Variants in RANBP2 observed in about 807,000 individuals in gnomAD.
RANBP2 encodes E3 SUMO-protein ligase RanBP2.
Under a neutral mutation model 303.6 loss-of-function variants are expected in RANBP2, and 57 were observed. That is an observed-to-expected ratio of 0.19 (90% confidence interval 0.15 to 0.23). The LOEUF (loss-of-function observed/expected upper bound fraction) is 0.23. Among genes scored for constraint, RANBP2 ranks in the 10% least tolerant of loss-of-function variants. The pLI is 1.00. For synonymous variants in RANBP2, 1,167 were observed against 1,301.5 expected (o/e 0.90, Z 2.23); for missense variants, 3,138 against 3,780.8 (o/e 0.83, Z 4.46).
intron 4 of RANBP2, among the ~76,000 whole-genome samples, chr2:108,734,809 G>A (rs1331100052): frequency 6.6e-6 from 1 of 152,044 alleles, no homozygotes; most frequent in Non-Finnish European, 1.5e-5. Context: ...TGAGGTTCGA[G>A]TGGAGGATAA....
chr2:109,639,304 T>C, the RANBP2 span, among the ~76,000 whole-genome samples: 2 of 152,316 alleles, frequency 1.3e-5, no homozygotes, highest in African/African-American at 4.8e-5. Context: ...TAAGTGTTTA[T>C]TGGACCCCAG....
the RANBP2 span, chr2:108,910,890 CA>C: frequency 6.2e-7 from 1 of 1,614,026 alleles, no homozygotes; most frequent in South Asian, 1.1e-5. Context: ...GGCTCTCCGA[CA>C]GGGGGAGTTG....
the RANBP2 span, among the ~76,000 whole-genome samples, chr2:109,640,979 C>T: frequency 2.0e-5 from 3 of 151,392 alleles, no homozygotes; most frequent in Non-Finnish European, 2.9e-5. Flanking sequence ...GGTAGATCTT[C>T]GAGAATTAAA....
chr2:108,964,581 CT>C, the RANBP2 span, among the ~76,000 whole-genome samples: 1 of 152,188 alleles, frequency 6.6e-6, no homozygotes, highest in Admixed American at 6.5e-5. Context: ...TGAGGATAAT[CT>C]TTTAACAACA....
chr2:108,912,884 G>A, the RANBP2 span: 1 of 787,296 alleles, frequency 1.3e-6, no homozygotes, highest in Non-Finnish European at 2.2e-6. Context: ...TGATGGCTGA[G>A]GGGAGCTAAA....
chr2:109,242,095 G>T, the RANBP2 span, among the ~76,000 whole-genome samples: 34 of 151,120 alleles, frequency 2.2e-4, no homozygotes, highest in Admixed American at 1.9e-3. Context: ...TGCCACACAG[G>T]GTGGCTCCTC....
At chr2:109,349,820 G>A in the RANBP2 span, among the ~76,000 whole-genome samples, 283 of 152,364 alleles carry the variant, frequency 1.9e-3, no homozygotes, top group African/African-American at 6.2e-3. Flanking sequence ...CATATAACCT[G>A]CTGCATTCCA....
Position 108,767,039 on chromosome 2 carries a change from T to C in RANBP2, c.6500T>C (p.Ile2167Thr). The change falls in exon 20 of 29, where the codon ATA becomes ACA. Residue 2167 changes from isoleucine to threonine, a missense_variant. Transcript: ENST00000283195. ...GATACTGGCAGAGCTGCCAAGTTAA[T>C]ACAGAGAGCTGAAGAAATGAAGAGT... ...LVDTGRAAKL[I>T]QRAEEMKSGL... is the part of the protein sequence containing the mutation. The C allele has an allele frequency of 6.2e-7, 1 of 1,610,888 alleles. No individual in the cohort carries two copies. The highest frequency in any genetic ancestry group is 2.2e-5 in the East Asian group (1 of 44,872).
the RANBP2 span, among the ~76,000 whole-genome samples, chr2:109,601,211 T>C: frequency 6.6e-6 from 1 of 152,310 alleles, no homozygotes; most frequent in East Asian, 1.9e-4. Flanking sequence ...CCCTCTAATC[T>C]TGCCTTGTTC....
chr2:109,654,118 T>C, the RANBP2 span, among the ~76,000 whole-genome samples: 1 of 152,098 alleles, frequency 6.6e-6, no homozygotes, highest in East Asian at 1.9e-4. Flanking sequence ...TTTCCGCTGG[T>C]TAGGAAGCCT....
the RANBP2 span, among the ~76,000 whole-genome samples, chr2:109,122,713 T>TA: frequency 2.0e-5 from 3 of 151,720 alleles, no homozygotes; most frequent in East Asian, 1.9e-4. Context: ...CTACAAAAAT[T>TA]AAAAAAAATT....
intron 20 of RANBP2, among the ~76,000 whole-genome samples, chr2:108,769,660 A>G (rs1677359495): frequency 3.9e-5 from 6 of 152,152 alleles, no homozygotes; most frequent in Admixed American, 3.9e-4. Flanking sequence ...TGTAGTGGCA[A>G]CGGCATGTAT....
At position 108,766,474 on chromosome 2, in the gene RANBP2, T is replaced by A; in HGVS notation, c.5935T>A (p.Phe1979Ile). 1 of 1,611,982 alleles carries A rather than the reference T, an allele frequency of 6.2e-7. No individual in the cohort carries two copies. Among genetic ancestry groups the A allele is most frequent in the Non-Finnish European group, 8.5e-7 (1 of 1,179,852 alleles). The part of the protein sequence containing the change: ...KGFSGAGEKL[F>I]SSQYGKMANK... Reference sequence around the variant, plus strand: ...ATTTTCAGGTGCTGGAGAAAAATTATTCTCATCACAATACGGTAAAATGGC... The same window carrying A: ...ATTTTCAGGTGCTGGAGAAAAATTAATCTCATCACAATACGGTAAAATGGC... The change falls in exon 20 of 29, where the codon TTC becomes ATC. Residue 1979 changes from phenylalanine to isoleucine, a missense_variant. Coordinates refer to ENST00000283195, the MANE Select transcript of RANBP2 (RefSeq NM_006267.5).
chr2:109,197,793 T>C, the RANBP2 span, among the ~76,000 whole-genome samples: 1 of 152,092 alleles, frequency 6.6e-6, no homozygotes, highest in Non-Finnish European at 1.5e-5. Context: ...TGGCATGAAA[T>C]AGCAAATTAA....
At chr2:109,352,781 C>T in the RANBP2 span, among the ~76,000 whole-genome samples, 7 of 152,222 alleles carry the variant, frequency 4.6e-5, no homozygotes, top group Non-Finnish European at 1.0e-4. Flanking sequence ...AGGCTCAACT[C>T]GCAGGGCACG....
At chr2:109,286,050 G>A in the RANBP2 span, among the ~76,000 whole-genome samples, 1 of 152,198 alleles carries the variant, frequency 6.6e-6, no homozygotes, top group Non-Finnish European at 1.5e-5. Context: ...AATCAATGGT[G>A]TTTCTGACAT....
chr2:109,034,499 C>T, the RANBP2 span, among the ~76,000 whole-genome samples: 4 of 151,904 alleles, frequency 2.6e-5, no homozygotes, highest in South Asian at 2.1e-4. Context: ...GCAAGAGAGG[C>T]GAAGAAGAAA....
the RANBP2 span, among the ~76,000 whole-genome samples, chr2:109,704,200 G>T: frequency 1.3e-5 from 2 of 152,062 alleles, no homozygotes; most frequent in South Asian, 4.2e-4. Context: ...AGCTTTACCT[G>T]CTCCCTGTTT....
At chr2:109,630,489 C>G in the RANBP2 span, among the ~76,000 whole-genome samples, 1 of 152,216 alleles carries the variant, frequency 6.6e-6, no homozygotes, top group Non-Finnish European at 1.5e-5. Flanking sequence ...CCCTGCCTTG[C>G]GGTTCCTGTG....
Sources: gnomAD v4.1 joint callset for allele counts (sites outside exome capture counted in the v4.1 genomes callset) on GRCh38, gnomAD v4.1.1 for gene constraint, MANE v1.5 for transcripts, NCBI Gene and HGNC (gene_info 2026-07-23, HGNC 2026-07-21) for gene names.